ALMS1: variants seen among roughly 807,000 people sequenced by gnomAD.
ALMS1 encodes the protein ALMS1 centrosome and basal body associated protein.
Under a neutral mutation model 352.2 loss-of-function variants are expected in ALMS1, and 271 were observed. The ratio of observed to expected loss-of-function variants is 0.77; its 90% CI spans 0.70 to 0.85. ALMS1 has a LOEUF of 0.85. ALMS1 is among the 40% of genes least tolerant of loss of function. ALMS1 has a pLI of 0.00. For missense variants in ALMS1, 5,445 were observed against 4,870.7 expected (o/e 1.12, Z -3.51); for synonymous variants, 1,865 against 1,761.2 (o/e 1.06, Z -1.48).
chr2:73,495,720 T>A (rs560659529), intron 10 of ALMS1, among the ~76,000 whole-genome samples: 5 of 152,160 alleles, frequency 3.3e-5, no homozygotes, highest in Non-Finnish European at 7.4e-5. Context: ...TTTTAACGTG[T>A]GTGTGTGTTT....
intron 15 of ALMS1, among the ~76,000 whole-genome samples, chr2:73,567,205 T>G (rs1674821719): frequency 6.6e-6 from 1 of 152,200 alleles, no homozygotes; most frequent in Non-Finnish European, 1.5e-5. Context: ...CATATGGTTG[T>G]TCCCTTGGTA....
At chr2:73,400,572 G>T (rs2103655693) in intron 1 of ALMS1, among the ~76,000 whole-genome samples, 1 of 152,260 alleles carries the variant, frequency 6.6e-6, no homozygotes, top group East Asian at 1.9e-4. Flanking sequence ...TGGGTCTGGT[G>T]CTTTCTGTTT....
At chr2:73,528,039 A>G (rs180706120) in intron 11 of ALMS1, among the ~76,000 whole-genome samples, 2 of 152,170 alleles carry the variant, frequency 1.3e-5, no homozygotes, top group Admixed American at 6.5e-5. Context: ...TTTCATTTCC[A>G]TGCATTTGTA....
intron 9 of ALMS1, among the ~76,000 whole-genome samples, chr2:73,475,708 T>A (rs906054813): frequency 2.6e-5 from 4 of 152,090 alleles, no homozygotes; most frequent in African/African-American, 9.7e-5. Context: ...CGCAAAAGTT[T>A]TAAATTCTGA....
At chr2:73,442,877 A>G (rs1380850186) in intron 7 of ALMS1, among the ~76,000 whole-genome samples, 3 of 152,162 alleles carry the variant, frequency 2.0e-5, no homozygotes, top group African/African-American at 4.8e-5. Flanking sequence ...TGGATGTCCC[A>G]TAGGTATCTT....
chr2:73,599,790 T>C (rs1236337562), intron 17 of ALMS1, among the ~76,000 whole-genome samples: 2 of 152,166 alleles, frequency 1.3e-5, no homozygotes, highest in African/African-American at 2.4e-5. Flanking sequence ...AAAATTACTT[T>C]CACTCAGCAT....
At chr2:73,468,085 ATATT>A (rs1169029786) in intron 9 of ALMS1, among the ~76,000 whole-genome samples, 1 of 151,998 alleles carries the variant, frequency 6.6e-6, no homozygotes, top group Non-Finnish European at 1.5e-5. Flanking sequence ...GATTTATTAT[ATATT>A]AATTAAAAGG....
intron 1 of ALMS1, among the ~76,000 whole-genome samples, chr2:73,388,657 T>C (rs1018390423): frequency 2.6e-5 from 4 of 152,258 alleles, no homozygotes; most frequent in Non-Finnish European, 4.4e-5. Flanking sequence ...TTTCATTCTG[T>C]TTATAGCTGC....
intron 9 of ALMS1, among the ~76,000 whole-genome samples, chr2:73,472,372 A>G (rs1420938796): frequency 6.6e-6 from 1 of 152,080 alleles, no homozygotes; most frequent in Non-Finnish European, 1.5e-5. Flanking sequence ...ATTTCTTTAG[A>G]GTAGAATATT....
intron 9 of ALMS1, among the ~76,000 whole-genome samples, chr2:73,466,263 A>C (rs1356979176): frequency 1.3e-5 from 2 of 152,150 alleles, no homozygotes; most frequent in East Asian, 3.8e-4. Context: ...GACTGGATTA[A>C]GAAAATGTGG....
intron 10 of ALMS1, among the ~76,000 whole-genome samples, chr2:73,498,265 T>C (rs1673149729): frequency 6.6e-6 from 1 of 152,108 alleles, no homozygotes; most frequent in Non-Finnish European, 1.5e-5. Flanking sequence ...AATTTCTTTT[T>C]TTTTTTCTTT....
intron 11 of ALMS1, among the ~76,000 whole-genome samples, chr2:73,524,217 A>C (rs1279012726): frequency 1.3e-5 from 2 of 152,230 alleles, no homozygotes; most frequent in African/African-American, 4.8e-5. Context: ...AATTCTGCAC[A>C]AAGTTCTAAT....
intron 5 of ALMS1, 62 bp downstream of exon 5, chr2:73,424,964 G>A: frequency 7.0e-7 from 1 of 1,422,906 alleles, no homozygotes; most frequent in Non-Finnish European, 9.5e-7. Context: ...AAATTCCCAA[G>A]GGAAGTAACA....
At chr2:73,410,449 C>T (rs77253296) in intron 2 of ALMS1, among the ~76,000 whole-genome samples, 2,449 of 152,204 alleles carry the variant, frequency 0.016, 65 homozygotes, top group African/African-American at 0.056. Context: ...ACACACACCT[C>T]ACAGACGTAT....
chr2:73,538,540 G>A (rs1418448234), intron 12 of ALMS1, among the ~76,000 whole-genome samples: 1 of 152,172 alleles, frequency 6.6e-6, no homozygotes, highest in East Asian at 1.9e-4. Flanking sequence ...AGTGGGTGCA[G>A]GACAGTGGGT....
chr2:73,503,189 C>G (rs1460878732), intron 10 of ALMS1, among the ~76,000 whole-genome samples: 1 of 151,922 alleles, frequency 6.6e-6, no homozygotes, highest in Non-Finnish European at 1.5e-5. Flanking sequence ...TGCTGGTGTG[C>G]TGCACCCATT....
Position 73,551,425 on chromosome 2 carries a change from C to CTT in ALMS1, c.10078+1015_10078+1016dup, listed in dbSNP as rs372741747. 1.5e-3 allele frequency among the ~76,000 whole-genome samples: 114 copies of CTT among 73,690 alleles called. 6 individuals carry two copies. The highest frequency in any genetic ancestry group is 3.5e-3 in the African/African-American group (56 of 15,926). 48.3% of individuals were successfully genotyped at this position (73,690 alleles called of 152,430 possible). A position where few individuals can be genotyped will look rare whatever the true frequency, so the allele number is the denominator to read the frequency against. Reference sequence around the variant, plus strand: ...TCACTGTGGGTATTTGAGTTTCAATCTTTTTTTTTTTTTTTTTTTTTTTTT... The same window carrying CTT: ...TCACTGTGGGTATTTGAGTTTCAATCTTTTTTTTTTTTTTTTTTTTTTTTTTT... On this transcript the variant is annotated intron_variant, in intron 13 of 22. Coordinates refer to ENST00000613296, the MANE Select transcript of ALMS1 (RefSeq NM_001378454.1).
chr2:73,446,624 C>T (rs1671815803), intron 7 of ALMS1, among the ~76,000 whole-genome samples: 1 of 152,154 alleles, frequency 6.6e-6, no homozygotes, highest in Admixed American at 6.6e-5. Context: ...TGAAGCTCGT[C>T]AGTGGCCATA....
intron 7 of ALMS1, among the ~76,000 whole-genome samples, chr2:73,446,408 G>A (rs920414622): frequency 3.3e-5 from 5 of 152,094 alleles, no homozygotes; most frequent in African/African-American, 1.2e-4. Flanking sequence ...AGCCTGTTTT[G>A]TTTCCTCACA....
Sources: allele counts gnomAD v4.1 joint callset (sites outside exome capture counted in the v4.1 genomes callset), GRCh38; gene constraint gnomAD v4.1.1; transcripts MANE v1.5; gene names NCBI Gene and HGNC (gene_info 2026-07-23, HGNC 2026-07-21).